KIF3A: variants seen among roughly 807,000 people sequenced by gnomAD.
KIF3A encodes kinesin family member 3A.
A neutral mutation model predicts 92.6 loss-of-function variants in KIF3A; 27 were observed. The ratio of observed to expected loss-of-function variants is 0.29; its 90% CI spans 0.21 to 0.40. The LOEUF (loss-of-function observed/expected upper bound fraction) is 0.40, where lower values mean the gene tolerates loss of function less well. KIF3A is among the 10% of genes least tolerant of loss of function. The pLI is 1.00. For synonymous variants in KIF3A, 250 were observed against 275.4 expected (o/e 0.91, Z 0.92); for missense variants, 581 against 872.6 (o/e 0.67, Z 4.21).
chr5:132,737,425 CCCCCTCCCGTGCCCGGCGGACGT>C lies in KIF3A; in HGVS notation c.-29_-7del, dbSNP rs756805182. 216 of 1,606,544 alleles carry C rather than the reference CCCCCTCCCGTGCCCGGCGGACGT, an allele frequency of 1.3e-4. 3 individuals are homozygous for C. Among genetic ancestry groups the C allele is most frequent in the South Asian group, 6.1e-4 (55 of 89,792 alleles). On this transcript the variant is annotated 5_prime_UTR_variant, in exon 1 of 19. Transcript: ENST00000403231. ...GCGACTCTCCTCACCGGCATCTTGG[CCCCCTCCCGTGCCCGGCGGACGT>C]CCCCGCCCGGGGTGCAGCCCAGCGA...
chr5:132,714,685 C>T (rs1753557469), intron 8 of KIF3A, among the ~76,000 whole-genome samples: 1 of 152,204 alleles, frequency 6.6e-6, no homozygotes, highest in African/African-American at 2.4e-5. Context: ...TGAAAAATTT[C>T]TAGAAATGAA....
At chr5:132,703,948 A>G (rs1379417110) in intron 11 of KIF3A, among the ~76,000 whole-genome samples, 1 of 151,842 alleles carries the variant, frequency 6.6e-6, no homozygotes, top group Non-Finnish European at 1.5e-5. Context: ...ATGTCCCCAG[A>G]TAACAAATAT....
intron 4 of KIF3A, among the ~76,000 whole-genome samples, chr5:132,722,787 T>C (rs7717027): frequency 0.58 from 88,940 of 152,046 alleles, 28,175 homozygotes; most frequent in Non-Finnish European, 0.73. Flanking sequence ...GACCATGTCA[T>C]TGGCAATAAC....
chr5:132,702,346 G>C, intron 14 of KIF3A, 134 bp from the exon 15 acceptor site: 1 of 836,448 alleles, frequency 1.2e-6, no homozygotes, highest in South Asian at 2.0e-5. Context: ...GATAAACAGC[G>C]TGACACTATC....
rs1304859749 is a variant in KIF3A, at chr5:132,710,949, CAG to C, written c.1228+8_1228+9del. ...AATTTCTACAAATCAGATTACTAAA[CAG>C]AACTTACCCCTTCTTTTTTTCCTTT... On this transcript the variant is annotated splice_region_variant and intron_variant, in intron 9 of 18. Transcript: ENST00000403231. 5 of 1,613,758 alleles carry C rather than the reference CAG, an allele frequency of 3.1e-6. No individual in the cohort carries two copies. Among genetic ancestry groups the C allele is most frequent in the Non-Finnish European group, 4.2e-6 (5 of 1,179,808 alleles).
intron 10 of KIF3A, among the ~76,000 whole-genome samples, 153 bp from the exon 11 acceptor site, chr5:132,706,612 CA>C (rs1305329572): frequency 1.3e-5 from 2 of 152,030 alleles, no homozygotes; most frequent in Non-Finnish European, 2.9e-5. Context: ...AAACCGTTAT[CA>C]AAACTGAAAT....
At chr5:132,702,739 G>A (rs1042698473) in intron 13 of KIF3A, 71 bp from the exon 14 acceptor site, 14 of 1,328,116 alleles carry the variant, frequency 1.1e-5, no homozygotes, top group Admixed American at 1.9e-5. Flanking sequence ...TTTAACAAAT[G>A]ACATAAATGT....
chr5:132,710,020 C>A (rs12514685), intron 9 of KIF3A, among the ~76,000 whole-genome samples: 4 of 151,916 alleles, frequency 2.6e-5, no homozygotes. Flanking sequence ...AAACAATGAC[C>A]ACATTAATGG....
In KIF3A at chr5:132,692,665, C is replaced by T. The variant is rs1243027988; in HGVS notation, c.*3969G>A. The T allele has an allele frequency of 1.3e-5, 2 of 152,650 alleles. No individual in the cohort carries two copies. Among genetic ancestry groups the T allele is most frequent in the Non-Finnish European group, 2.9e-5 (2 of 68,034 alleles). 9.5% of individuals were successfully genotyped at this position (152,650 alleles called of 1,614,324 possible). A position where few individuals can be genotyped will look rare whatever the true frequency, so the allele number is the denominator to read the frequency against. On this transcript the variant is annotated 3_prime_UTR_variant, in exon 19 of 19. Coordinates refer to ENST00000403231, the MANE Select transcript of KIF3A (RefSeq NM_001300791.2). ...AGATTTTTATTCTTATTTAACCATG[C>T]TGCATGTATACATACAATACCAATA...
chr5:132,689,066 C>T (rs1280973388), downstream of KIF3A, among the ~76,000 whole-genome samples: 1 of 152,118 alleles, frequency 6.6e-6, no homozygotes, highest in Non-Finnish European at 1.5e-5. Context: ...ACAGGAAGCC[C>T]AAGATAAATG....
At chr5:132,727,713 T>A (rs1333428129) in intron 2 of KIF3A, among the ~76,000 whole-genome samples, 2 of 152,190 alleles carry the variant, frequency 1.3e-5, no homozygotes, top group African/African-American at 4.8e-5. Context: ...AGGAGTGACA[T>A]CATGATCACT....
chr5:132,717,883 G>C (rs1312173088), intron 5 of KIF3A, among the ~76,000 whole-genome samples: 1 of 152,004 alleles, frequency 6.6e-6, no homozygotes, highest in Non-Finnish European at 1.5e-5. Context: ...CTTTAATGAA[G>C]TGACCAAAAG....
In KIF3A at chr5:132,737,498, C is replaced by G. The variant is rs375983446; in HGVS notation, c.-79G>C. 8.7e-5 allele frequency: 134 copies of G among 1,534,498 alleles called. No individual in the cohort carries two copies. In the African/African-American group the frequency reaches 1.7e-3, roughly 19 times the overall value. On this transcript the variant is annotated 5_prime_UTR_variant, in exon 1 of 19. Transcript: ENST00000403231. ...ACACCGGGTGCGCAGAAAGGATGGC[C>G]AGAGACTACCGAAACACCTCGTTGA... is the stretch of plus-strand genomic sequence containing the variant.
intron 8 of KIF3A, 136 bp downstream of exon 8, chr5:132,715,621 T>G: frequency 6.6e-6 from 4 of 607,962 alleles, no homozygotes; most frequent in Non-Finnish European, 1.1e-5. Flanking sequence ...ACCAAGTCAC[T>G]TTCTAGAAAT....
Position 132,716,404 on chromosome 5 carries a change from C to T in KIF3A, c.795G>A (p.Gln265=), listed in dbSNP as rs1753621279. The change falls in exon 7 of 19, where the codon CAG becomes CAA. Residue 265 remains glutamine, a synonymous_variant. Transcript: ENST00000403231. Reference sequence around the variant, plus strand: ...TGATTTTTGTAGCTTCCTTTAGGCGCTGTCCAGTAGCTCCAGTTTTTGCCT... The same window carrying T: ...TGATTTTTGTAGCTTCCTTTAGGCGTTGTCCAGTAGCTCCAGTTTTTGCCT... The part of the protein sequence containing the change: ...ERQAKTGATG[Q]RLKEATKINL... 5 of 1,613,970 alleles carry T rather than the reference C, an allele frequency of 3.1e-6. No individual in the cohort carries two copies. Among genetic ancestry groups the T allele is most frequent in the African/African-American group, 2.7e-5 (2 of 75,058 alleles).
At chr5:132,721,698 G>C (rs900761844) in intron 4 of KIF3A, 1 of 146,406 alleles carries the variant, frequency 6.8e-6, no homozygotes, top group Non-Finnish European at 1.5e-5. Flanking sequence ...TATAAATTAA[G>C]CCCTAATTCT....
At chr5:132,720,879 A>C (rs1753801182) in intron 4 of KIF3A, among the ~76,000 whole-genome samples, 165 bp from the exon 5 acceptor site, 1 of 152,228 alleles carries the variant, frequency 6.6e-6, no homozygotes, top group African/African-American at 2.4e-5. Context: ...ATACAAATGA[A>C]GAATTACACA....
intron 17 of KIF3A, among the ~76,000 whole-genome samples, chr5:132,699,853 C>A (rs1381825282): frequency 1.3e-5 from 2 of 152,110 alleles, no homozygotes; most frequent in South Asian, 4.1e-4. Flanking sequence ...TGAGCCACCA[C>A]GCCCGGCCCG....
chr5:132,718,083 GTAACCAC>G (rs1753694510), intron 5 of KIF3A, among the ~76,000 whole-genome samples: 1 of 151,760 alleles, frequency 6.6e-6, no homozygotes, highest in South Asian at 2.1e-4. Flanking sequence ...TTCTCTAAAG[GTAACCAC>G]TACAATCTGT....
Sources: allele counts gnomAD v4.1 joint callset (sites outside exome capture counted in the v4.1 genomes callset), GRCh38; gene constraint gnomAD v4.1.1; transcripts MANE v1.5; gene names NCBI Gene and HGNC (gene_info 2026-07-23, HGNC 2026-07-21).